The following MAN2A1 variants were observed in gnomAD, a reference collection of about 807,000 sequenced individuals.
The protein encoded by MAN2A1 is mannosidase alpha class 2A member 1.
A neutral mutation model predicts 142.6 loss-of-function variants in MAN2A1; 76 were observed. That is an observed-to-expected ratio of 0.53 (90% CI 0.44 to 0.65). The LOEUF (loss-of-function observed/expected upper bound fraction) is 0.65, where lower values mean the gene tolerates loss of function less well. Among genes scored for constraint, MAN2A1 ranks in the 30% least tolerant of loss-of-function variants. MAN2A1 has a pLI of 0.00. For synonymous variants in MAN2A1, 559 were observed against 473.2 expected (o/e 1.18, Z -2.35); for missense variants, 1,311 against 1,365.1 (o/e 0.96, Z 0.62).
intron 16 of MAN2A1, among the ~76,000 whole-genome samples, chr5:109,837,102 C>G (rs1343307624): frequency 6.8e-6 from 1 of 147,824 alleles, no homozygotes; most frequent in Non-Finnish European, 1.5e-5. Context: ...TTTTTTGTTC[C>G]TAGTGCCAGT....
chr5:109,788,835 A>G (rs898102675), intron 10 of MAN2A1, 99 bp from the exon 11 acceptor site: 140 of 629,800 alleles, frequency 2.2e-4, no homozygotes, highest in Non-Finnish European at 3.7e-4. Context: ...TGAATACAAG[A>G]TGAAGATACT....
At chr5:109,716,895 C>T (rs542110913) in intron 3 of MAN2A1, among the ~76,000 whole-genome samples, 59 of 152,280 alleles carry the variant, frequency 3.9e-4, no homozygotes, top group African/African-American at 1.4e-3. Flanking sequence ...ATTATTGTTA[C>T]TGCATATGAT....
chr5:109,764,399 T>TAAAAA (rs1263977025), intron 5 of MAN2A1, among the ~76,000 whole-genome samples: 88 of 152,292 alleles, frequency 5.8e-4, no homozygotes, highest in Middle Eastern at 6.8e-3. Flanking sequence ...GAAATCTTTT[T>TAAAAA]GATGAGCTTT....
At chr5:109,777,128 C>T (rs567581755) in intron 8 of MAN2A1, among the ~76,000 whole-genome samples, 1 of 152,092 alleles carries the variant, frequency 6.6e-6, no homozygotes, top group East Asian at 1.9e-4. Context: ...ATTTTTTGGC[C>T]ATTGAGTATG....
At chr5:109,834,434 A>C (rs1580301465) in intron 16 of MAN2A1, among the ~76,000 whole-genome samples, 1 of 12,796 alleles carries the variant, frequency 7.8e-5, no homozygotes, top group African/African-American at 3.0e-3. Context: ...TTAGTACTTT[A>C]AAAAAAAAAC....
chr5:109,802,288 C>T (rs1754052694), intron 12 of MAN2A1, among the ~76,000 whole-genome samples: 1 of 152,102 alleles, frequency 6.6e-6, no homozygotes, highest in Non-Finnish European at 1.5e-5. Context: ...TAGGAAAGTA[C>T]TGTGCATATG....
At chr5:109,842,223 A>G (rs550814083) in intron 16 of MAN2A1, 105 bp from the exon 17 acceptor site, 115 of 665,120 alleles carry the variant, frequency 1.7e-4, no homozygotes, top group African/African-American at 1.2e-3. Flanking sequence ...CAAGAAGTAG[A>G]AAACAAGAAA....
chr5:109,798,981 C>T (rs927723782), intron 12 of MAN2A1, among the ~76,000 whole-genome samples: 1 of 152,122 alleles, frequency 6.6e-6, no homozygotes, highest in East Asian at 1.9e-4. Flanking sequence ...TGTGAGCCAT[C>T]GCACCCAGCC....
At chr5:109,837,449 G>T (rs1755087410) in intron 16 of MAN2A1, among the ~76,000 whole-genome samples, 1 of 152,040 alleles carries the variant, frequency 6.6e-6, no homozygotes, top group Admixed American at 6.6e-5. Flanking sequence ...CCCAGCCCTT[G>T]GTCCCAGAGT....
intron 2 of MAN2A1, among the ~76,000 whole-genome samples, chr5:109,714,789 C>G (rs935394141): frequency 2.0e-5 from 3 of 152,162 alleles, no homozygotes; most frequent in Non-Finnish European, 4.4e-5. Context: ...GGCTCACAGG[C>G]CAAGCTGGAA....
rs1464193200 is a variant in MAN2A1, at chr5:109,767,598, TTC to T, written c.901_902del (p.Leu301LysfsTer18). The stretch of plus-strand genomic sequence containing the variant: ...GGACACTCACCAACAATGGCTTATC[TTC>T]TAAACCGTGCTGGACTTTCTCACAT... On this transcript the variant is annotated frameshift_variant, in exon 6 of 22. Coordinates refer to ENST00000261483, the MANE Select transcript of MAN2A1 (RefSeq NM_002372.4). LOFTEE classifies it high-confidence loss of function. 1 of 1,613,812 alleles carries T rather than the reference TTC, an allele frequency of 6.2e-7. No individual in the cohort carries two copies. Among genetic ancestry groups the T allele is most frequent in the Admixed American group, 1.7e-5 (1 of 60,004 alleles).
At chr5:109,806,089 C>G (rs1032910555) in intron 12 of MAN2A1, among the ~76,000 whole-genome samples, 1 of 152,132 alleles carries the variant, frequency 6.6e-6, no homozygotes, top group Admixed American at 6.5e-5. Flanking sequence ...AGTGAAGGTT[C>G]TCTGCTGGGG....
intron 1 of MAN2A1, among the ~76,000 whole-genome samples, chr5:109,702,370 A>T (rs1464235525): frequency 1.5e-5 from 2 of 129,512 alleles, no homozygotes; most frequent in Non-Finnish European, 3.4e-5. Context: ...TGTAGGGAGG[A>T]TGGGCAGCCC....
rs1753032278 is a variant in MAN2A1, at chr5:109,767,715, A to G, written c.1009+7A>G. ...TTTTGGAGACAGAATTGGGGTATGTAGGGTTTGATGAAAGTTGATCCCATT... is the reference window on the plus strand; with the variant it reads ...TTTTGGAGACAGAATTGGGGTATGTGGGGTTTGATGAAAGTTGATCCCATT... On this transcript the variant is annotated splice_region_variant and intron_variant, in intron 6 of 21. Coordinates refer to ENST00000261483, the MANE Select transcript of MAN2A1 (RefSeq NM_002372.4). 1 of 1,607,592 alleles carries G rather than the reference A, an allele frequency of 6.2e-7. No homozygotes were observed. The highest frequency in any genetic ancestry group is 8.5e-7 in the Non-Finnish European group (1 of 1,178,680).
At chr5:109,785,133 A>G (rs1009822669) in intron 10 of MAN2A1, among the ~76,000 whole-genome samples, 2 of 152,128 alleles carry the variant, frequency 1.3e-5, no homozygotes, top group African/African-American at 2.4e-5. Flanking sequence ...TTTTATTGCA[A>G]TGCATTTCTG....
chr5:109,829,283 G>A (rs1754841820), intron 16 of MAN2A1, among the ~76,000 whole-genome samples: 1 of 152,184 alleles, frequency 6.6e-6, no homozygotes, highest in African/African-American at 2.4e-5. Flanking sequence ...GTAAGTGACT[G>A]CCTAATGATT....
intron 4 of MAN2A1, among the ~76,000 whole-genome samples, chr5:109,744,305 G>A (rs1752344172): frequency 6.6e-6 from 1 of 152,076 alleles, no homozygotes. Flanking sequence ...AAGGCCTCCT[G>A]AAGCAAATGA....
At chr5:109,832,547 A>G (rs1754940665) in intron 16 of MAN2A1, among the ~76,000 whole-genome samples, 1 of 152,218 alleles carries the variant, frequency 6.6e-6, no homozygotes. Context: ...AGTACAGCAC[A>G]AAATGGAGTC....
chr5:109,776,583 A>G (rs1753298935), intron 8 of MAN2A1, among the ~76,000 whole-genome samples: 1 of 152,154 alleles, frequency 6.6e-6, no homozygotes, highest in Non-Finnish European at 1.5e-5. Context: ...TCCTTTGCCT[A>G]CTAGAACAGT....
Sources: gnomAD v4.1 joint callset for allele counts (sites outside exome capture counted in the v4.1 genomes callset) on GRCh38, gnomAD v4.1.1 for gene constraint, MANE v1.5 for transcripts, NCBI Gene and HGNC (gene_info 2026-07-23, HGNC 2026-07-21) for gene names.